Variants in EYA4 observed in about 807,000 individuals in gnomAD.
EYA4 encodes EYA transcriptional coactivator and phosphatase 4.
A neutral mutation model predicts 87.9 loss-of-function variants in EYA4; 31 were observed. The ratio of observed to expected loss-of-function variants is 0.35; its 90% CI spans 0.27 to 0.48. EYA4 has a LOEUF of 0.48. EYA4 is among the 20% of genes least tolerant of loss of function. The pLI is 0.99. For missense variants in EYA4, 678 were observed against 761.4 expected (o/e 0.89, Z 1.29); for synonymous variants, 263 against 270.6 (o/e 0.97, Z 0.28).
chr6:133,504,545 C>G (rs756411716), intron 13 of EYA4, among the ~76,000 whole-genome samples: 1 of 152,204 alleles, frequency 6.6e-6, no homozygotes, highest in Non-Finnish European at 1.5e-5. Context: ...TAGTTTAGCT[C>G]TCATACCCCA....
chr6:133,419,172 T>C (rs1401131850), intron 3 of EYA4, among the ~76,000 whole-genome samples: 1 of 152,196 alleles, frequency 6.6e-6, no homozygotes, highest in African/African-American at 2.4e-5. Flanking sequence ...CCAGGAGCAA[T>C]GTCCAGCTGC....
intron 16 of EYA4, among the ~76,000 whole-genome samples, chr6:133,514,520 T>G (rs1004916278): frequency 1.5e-4 from 23 of 152,174 alleles, no homozygotes; most frequent in African/African-American, 5.5e-4. Flanking sequence ...TGAGGACAAA[T>G]GAGACTTGCT....
chr6:133,495,736 C>T (rs1338471994), intron 13 of EYA4, among the ~76,000 whole-genome samples: 3 of 152,158 alleles, frequency 2.0e-5, no homozygotes, highest in Admixed American at 6.6e-5. Context: ...GTCACAATAA[C>T]CTGCAGGGCC....
chr6:133,519,778 A>C (rs1799947343), intron 17 of EYA4, among the ~76,000 whole-genome samples: 1 of 151,210 alleles, frequency 6.6e-6, no homozygotes, highest in Non-Finnish European at 1.5e-5. Flanking sequence ...CCAGCAGCAC[A>C]TCAAAAAGCT....
chr6:133,288,145 G>A (rs1485778319), intron 2 of EYA4, among the ~76,000 whole-genome samples: 1 of 150,404 alleles, frequency 6.6e-6, no homozygotes, highest in Non-Finnish European at 1.5e-5. Flanking sequence ...ATAAAAAAAA[G>A]GCTTAAGTCA....
At chr6:133,252,989 A>ATT (rs1775040659) in intron 1 of EYA4, among the ~76,000 whole-genome samples, 2 of 120,094 alleles carry the variant, frequency 1.7e-5, no homozygotes, top group South Asian at 5.6e-4. Flanking sequence ...ACACACACAC[A>ATT]CTCACTCTCT....
intron 5 of EYA4, 94 bp from the exon 6 acceptor site, chr6:133,456,462 G>C (rs1793910624): frequency 1.1e-6 from 1 of 885,350 alleles, no homozygotes; most frequent in Non-Finnish European, 1.9e-6. Flanking sequence ...TCTCTTGCAT[G>C]CCCATGGTAG....
intron 3 of EYA4, among the ~76,000 whole-genome samples, chr6:133,424,878 A>G (rs542158481): frequency 6.6e-6 from 1 of 150,994 alleles, no homozygotes; most frequent in East Asian, 2.0e-4. Flanking sequence ...CACCCGCTCC[A>G]TGGAGTGTGC....
chr6:133,390,966 T>G (rs1787213916), intron 3 of EYA4, among the ~76,000 whole-genome samples: 1 of 152,020 alleles, frequency 6.6e-6, no homozygotes, highest in South Asian at 2.1e-4. Context: ...CACAGTGAGG[T>G]ACAAACAAAC....
intron 2 of EYA4, among the ~76,000 whole-genome samples, chr6:133,280,294 T>C (rs1777514043): frequency 1.3e-5 from 2 of 152,260 alleles, no homozygotes; most frequent in African/African-American, 4.8e-5. Context: ...AGTTATGTAG[T>C]AGAGTACCTA....
intron 2 of EYA4, among the ~76,000 whole-genome samples, chr6:133,346,839 T>C (rs1024188778): frequency 2.6e-5 from 4 of 152,160 alleles, no homozygotes; most frequent in Admixed American, 6.6e-5. Context: ...GTGTGAACTT[T>C]CCATATGATG....
Position 133,500,045 on chromosome 6 carries a change from T to A in EYA4, c.1192-6061T>A, listed in dbSNP as rs1235945176. ...TTGTTAAACTACCTGGCAAACTAGA[T>A]CTGGGGAAGGGTCTACAAGTGTGCA... is the stretch of plus-strand genomic sequence containing the variant. On this transcript the variant is annotated intron_variant, in intron 13 of 19. Transcript: ENST00000355286. Among the ~76,000 whole-genome samples the A allele has an allele frequency of 4.7e-5, 7 of 150,454 alleles. No homozygotes were observed. The Admixed American group carries it at 4.7e-4, about 10-fold the overall frequency.
intron 3 of EYA4, among the ~76,000 whole-genome samples, chr6:133,441,831 G>A (rs952433738): frequency 2.6e-5 from 4 of 152,024 alleles, no homozygotes; most frequent in African/African-American, 7.2e-5. Flanking sequence ...ATTGAAAAGG[G>A]TTGCTTTATG....
At chr6:133,528,112 G>C (rs1800783874) in intron 19 of EYA4, among the ~76,000 whole-genome samples, 2 of 152,156 alleles carry the variant, frequency 1.3e-5, no homozygotes, top group Non-Finnish European at 2.9e-5. Context: ...ATGTATGCTA[G>C]AGTACTTTCT....
At chr6:133,449,983 T>G (rs974019595) in intron 5 of EYA4, among the ~76,000 whole-genome samples, 1 of 151,646 alleles carries the variant, frequency 6.6e-6, no homozygotes. Flanking sequence ...TTTAATGAAT[T>G]TCAATGACTT....
At chr6:133,391,635 T>C (rs962008956) in intron 3 of EYA4, among the ~76,000 whole-genome samples, 1 of 152,186 alleles carries the variant, frequency 6.6e-6, no homozygotes, top group Admixed American at 6.5e-5. Context: ...AATAGATTCC[T>C]CTCTTTTTCA....
At chr6:133,362,913 G>C (rs1784562608) in intron 2 of EYA4, among the ~76,000 whole-genome samples, 1 of 152,204 alleles carries the variant, frequency 6.6e-6, no homozygotes, top group Non-Finnish European at 1.5e-5. Flanking sequence ...CCTGAAAGAG[G>C]TCCACAGTTC....
At chr6:133,409,535 A>C (rs1430564460) in intron 3 of EYA4, among the ~76,000 whole-genome samples, 1 of 152,158 alleles carries the variant, frequency 6.6e-6, no homozygotes, top group Non-Finnish European at 1.5e-5. Flanking sequence ...CCTCAGGGTA[A>C]TTTAAATGGA....
chr6:133,309,147 C>G (rs1422137709), intron 2 of EYA4, among the ~76,000 whole-genome samples: 1 of 151,814 alleles, frequency 6.6e-6, no homozygotes, highest in African/African-American at 2.4e-5. Context: ...TTTTGCTATG[C>G]TATTGTCCAA....
Sources: gnomAD v4.1 joint callset for allele counts (sites outside exome capture counted in the v4.1 genomes callset) on GRCh38, gnomAD v4.1.1 for gene constraint, MANE v1.5 for transcripts, NCBI Gene and HGNC (gene_info 2026-07-23, HGNC 2026-07-21) for gene names.